The following SKOR2 variants were observed in gnomAD, a reference collection of about 807,000 sequenced individuals.
SKOR2 encodes LBX1 corepressor 1-like protein.
In SKOR2, 47 loss-of-function variants were observed where a neutral mutation model predicts 69.1. That is an observed-to-expected ratio of 0.68 (90% CI 0.54 to 0.87). The LOEUF (loss-of-function observed/expected upper bound fraction) is 0.87. SKOR2 is among the 40% of genes least tolerant of loss of function. SKOR2 has a pLI of 0.00. For synonymous variants in SKOR2, 717 were observed against 672.6 expected, an observed-to-expected ratio of 1.07 and a Z score of -1.02; for missense variants, 1,404 against 1,472.2, an observed-to-expected ratio of 0.95 and a Z score of 0.76.
chr18:47,246,679 C>CG lies in SKOR2; in HGVS notation c.2504dup (p.Pro836AlafsTer37). ...GGGGGGCCAGGGGCGGCGGCGGGGG[C>CG]GGGGGCAGGTCCGAGCCGGGGTCCC... is the stretch of plus-strand genomic sequence containing the variant. On this transcript the variant is annotated frameshift_variant, in exon 2 of 9. Transcript: ENST00000425639. LOFTEE classifies it high-confidence loss of function. The CG allele has an allele frequency of 6.7e-7, 1 of 1,498,702 alleles. No homozygotes were observed. Among genetic ancestry groups the CG allele is most frequent in the Non-Finnish European group, 8.8e-7 (1 of 1,133,040 alleles). 92.8% of individuals were successfully genotyped at this position (1,498,702 alleles called of 1,614,324 possible). A position where few individuals can be genotyped will look rare whatever the true frequency, so the allele number is the denominator to read the frequency against.
At position 47,227,326 on chromosome 18, in the gene SKOR2, ATTTTTTTTTTT is replaced by A. The variant is rs778462203; in HGVS notation, c.2917+3122_2917+3132del. On this transcript the variant is annotated intron_variant, in intron 6 of 8. Coordinates refer to ENST00000425639, the MANE Select transcript of SKOR2 (RefSeq NM_001278063.4). Reference sequence around the variant, plus strand: ...CCCTTGGAACCACGACAAGAAGCCAATTTTTTTTTTTTTTTTTTTTTTTTTTTTGGAGACGG... The same window carrying A: ...CCCTTGGAACCACGACAAGAAGCCAATTTTTTTTTTTTTTTTTGGAGACGG... 2.9e-4 allele frequency among the ~76,000 whole-genome samples: 26 copies of A among 91,128 alleles called. 1 individual carries two copies. The highest frequency in any genetic ancestry group is 2.1e-3 in the South Asian group (6 of 2,896). 59.8% of individuals were successfully genotyped at this position (91,128 alleles called of 152,430 possible). A position where few individuals can be genotyped will look rare whatever the true frequency, so the allele number is the denominator to read the frequency against.
chr18:47,231,811 C>T (rs1447561767), intron 4 of SKOR2, among the ~76,000 whole-genome samples: 2 of 150,120 alleles, frequency 1.3e-5, no homozygotes, highest in South Asian at 4.2e-4. Context: ...CCTTTGCACT[C>T]CAGCCTGGGC....
rs2144517244 is a variant in SKOR2 at position 47,247,600 on chromosome 18, C to T, written c.1584G>A (p.Pro528=). The change falls in exon 2 of 9, where the codon CCG becomes CCA. Residue 528 remains proline, a synonymous_variant. Coordinates refer to ENST00000425639, the MANE Select transcript of SKOR2 (RefSeq NM_001278063.4). This position sits in a 1 kb window ranked among gnomAD's most constrained non-coding sequence, Gnocchi z 6.6. ...CCACTACCTGCGGGGGCTGCCCCGG[C>T]GGGGGCGCGGCCTCGGCGCTCCCAG... ...GAAGSAEAAP[P]PGQPPQVVAN... is the part of the protein sequence containing the mutation. The T allele has an allele frequency of 2.4e-6, 3 of 1,268,184 alleles. No individual in the cohort carries two copies. Among genetic ancestry groups the T allele is most frequent in the South Asian group, 2.8e-5 (1 of 36,338 alleles). The allele number at this position is 1,268,184 out of a possible 1,614,324, so 78.6% of individuals were successfully genotyped here. A position where few individuals can be genotyped will look rare whatever the true frequency, so the allele number is the denominator to read the frequency against.
rs145482797 is a variant in SKOR2, at chr18:47,238,957, G to A, written c.2752+5951C>T. 1.3e-3 allele frequency among the ~76,000 whole-genome samples: 203 copies of A among 152,280 alleles called. 2 individuals are homozygous for A. Among genetic ancestry groups the A allele is most frequent in the African/African-American group, 4.6e-3 (190 of 41,552 alleles). ...GGCCACTGTTGAACAAAAGCTCCAC[G>A]TATGCATGTTTAACTTCCAAATAAA... is the stretch of plus-strand genomic sequence containing the variant. On this transcript the variant is annotated intron_variant, in intron 4 of 8. Transcript: ENST00000425639.
intron 3 of SKOR2, 66 bp from the exon 4 acceptor site, chr18:47,245,048 A>T (rs1045141974): frequency 3.1e-4 from 349 of 1,130,806 alleles, no homozygotes; most frequent in South Asian, 5.9e-4. Context: ...CAAAGATCCA[A>T]TTTTTTTTTT....
At chr18:47,236,629 T>G (rs2064224879) in intron 4 of SKOR2, among the ~76,000 whole-genome samples, 3 of 152,128 alleles carry the variant, frequency 2.0e-5, no homozygotes, top group African/African-American at 7.2e-5. Flanking sequence ...TTCCACCATG[T>G]GAGGACACAG....
chr18:47,215,953 T>G (rs1374843286), intron 7 of SKOR2, among the ~76,000 whole-genome samples: 6 of 152,188 alleles, frequency 3.9e-5, no homozygotes. Context: ...CTTATAAAAT[T>G]ATTGCCAAAT....
chr18:47,212,870 G>A (rs1409788489), intron 7 of SKOR2, among the ~76,000 whole-genome samples: 1 of 151,994 alleles, frequency 6.6e-6, no homozygotes, highest in Non-Finnish European at 1.5e-5. Context: ...AGGCTGAGGT[G>A]GGAAGAACGC....
At chr18:47,240,943 A>G (rs897675529) in intron 4 of SKOR2, among the ~76,000 whole-genome samples, 11 of 152,354 alleles carry the variant, frequency 7.2e-5, no homozygotes, top group African/African-American at 2.6e-4. Flanking sequence ...ATAAGCATAG[A>G]AATAAAATAT....
chr18:47,245,613 G>T, intron 2 of SKOR2, 52 bp from the exon 3 acceptor site: 1 of 1,443,182 alleles, frequency 6.9e-7, no homozygotes, highest in Non-Finnish European at 9.1e-7. Context: ...CAAACCATAT[G>T]CTAATGTCAA....
chr18:47,249,016 G>T lies in SKOR2; in HGVS notation c.168C>A (p.Ile56=). The change falls in exon 2 of 9, where the codon ATC becomes ATA. Residue 56 remains isoleucine, a synonymous_variant. Transcript: ENST00000425639. The part of the protein sequence containing the change: ...LYGIPIVSLV[I]DGQERLCLAQ... Reference sequence around the variant, plus strand: ...CCAGGCACAGGCGCTCTTGCCCGTCGATCACCAACGACACGATGGGAATGC... The same window carrying T: ...CCAGGCACAGGCGCTCTTGCCCGTCTATCACCAACGACACGATGGGAATGC... 1 of 1,544,448 alleles carries T rather than the reference G, an allele frequency of 6.5e-7. No individual in the cohort carries two copies. Among genetic ancestry groups the T allele is most frequent in the Non-Finnish European group, 8.7e-7 (1 of 1,151,064 alleles).
intron 4 of SKOR2, among the ~76,000 whole-genome samples, chr18:47,236,161 G>C (rs72913186): frequency 0.012 from 1,861 of 152,146 alleles, 23 homozygotes; most frequent in Non-Finnish European, 0.019. Flanking sequence ...GTTTTTTTCT[G>C]TATTTTTTTT....
rs896083505 is a variant in SKOR2 at position 47,248,194 on chromosome 18, C to G, written c.990G>C (p.Ser330=). 21 of 1,231,500 alleles carry G rather than the reference C, an allele frequency of 1.7e-5. No homozygotes were observed. In the Admixed American group the frequency reaches 6.1e-4, roughly 36 times the overall value. The allele number at this position is 1,231,500 out of a possible 1,614,324, so 76.3% of individuals were successfully genotyped here. ...CCACAGAGAGGCTGGCGGCTGCGGC[C>G]GAGAGGCTGGCGGCGGCCACTACGG... ...EAAVVAAASL[S]AAAASLSVAA... The change falls in exon 2 of 9, where the codon TCG becomes TCC. Residue 330 remains serine, a synonymous_variant. Transcript: ENST00000425639. The surrounding 1 kb of genome is among the most constrained non-coding windows in gnomAD (Gnocchi z 6.4).
chr18:47,235,962 C>T (rs924817546), intron 4 of SKOR2, among the ~76,000 whole-genome samples: 2 of 152,110 alleles, frequency 1.3e-5, no homozygotes, highest in Non-Finnish European at 2.9e-5. Context: ...TAGGTTCTCC[C>T]ATTCTTGTCC....
chr18:47,219,734 T>C (rs1294619849), intron 7 of SKOR2, among the ~76,000 whole-genome samples: 1 of 152,172 alleles, frequency 6.6e-6, no homozygotes, highest in Non-Finnish European at 1.5e-5. Flanking sequence ...TATTAACACA[T>C]GGTAGGTAGT....
At chr18:47,214,033 T>C (rs1017356117) in intron 7 of SKOR2, among the ~76,000 whole-genome samples, 22 of 152,182 alleles carry the variant, frequency 1.4e-4, no homozygotes, top group Admixed American at 1.1e-3. Flanking sequence ...GGAGTTCCAA[T>C]AAAATGGTTT....
rs10670977 is a variant in SKOR2, at chr18:47,245,478, A to ATTTTTTTTTTTTTTTTTTTTTTTTTTT, written c.2677+19_2677+20insAAAAAAAAAAAAAAAAAAAAAAAAAAA. 89 of 1,198,302 alleles carry ATTTTTTTTTTTTTTTTTTTTTTTTTTT rather than the reference A, an allele frequency of 7.4e-5. 5 individuals are homozygous for ATTTTTTTTTTTTTTTTTTTTTTTTTTT. Among genetic ancestry groups the ATTTTTTTTTTTTTTTTTTTTTTTTTTT allele is most frequent in the African/African-American group, 3.4e-4 (15 of 43,962 alleles). 74.2% of individuals were successfully genotyped at this position (1,198,302 alleles called of 1,614,324 possible). ...ATGCAGGCAAGAAAAGTGGCAGCTG[A>ATTTTTTTTTTTTTTTTTTTTTTTTTTT]TTTTTTTTTTTTTTTTTACCTGAAA... is the stretch of plus-strand genomic sequence containing the variant. On this transcript the variant is annotated intron_variant, in intron 3 of 8. Coordinates refer to ENST00000425639, the MANE Select transcript of SKOR2 (RefSeq NM_001278063.4).
chr18:47,221,839 A>C (rs1026745320), intron 6 of SKOR2, among the ~76,000 whole-genome samples: 1 of 152,250 alleles, frequency 6.6e-6, no homozygotes, highest in African/African-American at 2.4e-5. Context: ...GGCCTACCAC[A>C]GTGCCTGGCA....
intron 1 of SKOR2, among the ~76,000 whole-genome samples, chr18:47,250,132 A>T (rs916588368): frequency 2.0e-5 from 3 of 152,260 alleles, no homozygotes; most frequent in Non-Finnish European, 4.4e-5. Context: ...CAAAAGGCAA[A>T]TTTTTTAGCT....
Sources: gnomAD v4.1 joint callset for allele counts (sites outside exome capture counted in the v4.1 genomes callset) on GRCh38, gnomAD v4.1.1 for gene constraint, Gnocchi (gnomAD v3.1) non-coding constraint, MANE v1.5 for transcripts, NCBI Gene and HGNC (gene_info 2026-07-23, HGNC 2026-07-21) for gene names.